Variants in ITPR1 observed in about 807,000 individuals in gnomAD.
ITPR1 encodes the protein inositol 1,4,5-trisphosphate-gated calcium channel ITPR1.
A neutral mutation model predicts 318.4 loss-of-function variants in ITPR1; 96 were observed. That is an observed-to-expected ratio of 0.30 (90% CI 0.26 to 0.36). The LOEUF (loss-of-function observed/expected upper bound fraction) is 0.36. Ranked by LOEUF, ITPR1 falls within the 10% of genes least tolerant of loss-of-function variation. The pLI, the probability that ITPR1 is intolerant of heterozygous loss-of-function variation, is 1.00. For missense variants in ITPR1, 2,440 were observed against 3,460.2 expected, an observed-to-expected ratio of 0.71 and a Z score of 7.40; for synonymous variants, 1,312 against 1,289.9, an observed-to-expected ratio of 1.02 and a Z score of -0.37.
intron 60 of ITPR1, among the ~76,000 whole-genome samples, chr3:4,834,660 G>A (rs554110462): frequency 6.6e-6 from 1 of 152,316 alleles, no homozygotes; most frequent in Admixed American, 6.5e-5. Flanking sequence ...TTGGTGGGAA[G>A]ATGTGGCTGT....
intron 37 of ITPR1, among the ~76,000 whole-genome samples, chr3:4,707,576 GGTTCACTCCA>G (rs2094786783): frequency 6.6e-6 from 1 of 152,128 alleles, no homozygotes; most frequent in Non-Finnish European, 1.5e-5. Context: ...CAGTCTCAAA[GGTTCACTCCA>G]GTTCAGGGGG....
chr3:4,590,148 C>T (rs2090266877), intron 4 of ITPR1, among the ~76,000 whole-genome samples: 2 of 151,548 alleles, frequency 1.3e-5, no homozygotes, highest in Non-Finnish European at 2.9e-5. Flanking sequence ...AGCTGCTTCC[C>T]CCCTTTGTGT....
intron 30 of ITPR1, among the ~76,000 whole-genome samples, chr3:4,686,844 GT>G (rs1239415986): frequency 1.3e-5 from 2 of 152,236 alleles, no homozygotes; most frequent in Admixed American, 6.5e-5. Flanking sequence ...GTGTGGAACT[GT>G]TTAAGGTTAC....
Position 4,552,576 on chromosome 3 carries a change from G to A in ITPR1, c.163+31482G>A, listed in dbSNP as rs2085675006. On this transcript the variant is annotated intron_variant, in intron 4 of 61. Coordinates refer to ENST00000649015, the MANE Select transcript of ITPR1 (RefSeq NM_001378452.1). ...GTTGGGGCCCACTATCCTCCCAGTGGGTGGATGAGTTCTTGTTCACCATCT... is the reference window on the plus strand; with the variant it reads ...GTTGGGGCCCACTATCCTCCCAGTGAGTGGATGAGTTCTTGTTCACCATCT... Among the ~76,000 whole-genome samples the A allele has an allele frequency of 4.6e-5, 7 of 152,258 alleles. No homozygotes were observed. In the South Asian group the frequency reaches 1.5e-3, roughly 32 times the overall value.
intron 45 of ITPR1, among the ~76,000 whole-genome samples, chr3:4,767,759 C>T (rs929916098): frequency 6.6e-6 from 1 of 152,184 alleles, no homozygotes; most frequent in Non-Finnish European, 1.5e-5. Flanking sequence ...AACTTCTGGC[C>T]TCAAGTGATC....
intron 34 of ITPR1, among the ~76,000 whole-genome samples, chr3:4,698,627 A>T (rs1238926146): frequency 2.6e-5 from 4 of 152,206 alleles, no homozygotes; most frequent in Non-Finnish European, 2.9e-5. Context: ...AACTTTATTT[A>T]TAAAGATAAT....
In ITPR1 at chr3:4,657,473, T is replaced by C. The variant is rs868048068; in HGVS notation, c.997-651T>C. 2.1e-4 allele frequency among the ~76,000 whole-genome samples: 31 copies of C among 150,724 alleles called. 1 individual carries two copies. Among genetic ancestry groups the C allele is most frequent in the Non-Finnish European group, 3.0e-5 (2 of 67,734 alleles). On this transcript the variant is annotated intron_variant, in intron 12 of 61. Transcript: ENST00000649015. Reference sequence around the variant, plus strand: ...GTAACTGCACGTTTTTGAAAGATTTTTTTTTTTTTTTTGAGACAGAGTCTC... The same window carrying C: ...GTAACTGCACGTTTTTGAAAGATTTCTTTTTTTTTTTTGAGACAGAGTCTC...
At chr3:4,494,125 C>A (rs1461256304) in intron 1 of ITPR1, among the ~76,000 whole-genome samples, 1 of 152,214 alleles carries the variant, frequency 6.6e-6, no homozygotes, top group Non-Finnish European at 1.5e-5. Context: ...GGATACTTGG[C>A]CTTCTCGCCG....
chr3:4,711,749 C>G lies in ITPR1; in HGVS notation c.4992-8C>G. ...AAGGAAGTAATCCGTGGTTTTCCCC[C>G]CATTCAGGTTAATAAAGCATACAAA... On this transcript the variant is annotated splice_region_variant and splice_polypyrimidine_tract_variant and intron_variant, in intron 38 of 61. Transcript: ENST00000649015. 1 of 1,465,490 alleles carries G rather than the reference C, an allele frequency of 6.8e-7. No homozygotes were observed. The highest frequency in any genetic ancestry group is 9.4e-7 in the Non-Finnish European group (1 of 1,068,528). The allele number at this position is 1,465,490 out of a possible 1,614,324, so 90.8% of individuals were successfully genotyped here. A position where few individuals can be genotyped will look rare whatever the true frequency, so the allele number is the denominator to read the frequency against.
chr3:4,627,649 C>G (rs1030414860), intron 4 of ITPR1, 114 bp from the exon 5 acceptor site: 1 of 664,756 alleles, frequency 1.5e-6, no homozygotes, highest in Non-Finnish European at 2.7e-6. Context: ...CATTTTATAT[C>G]TATGTATGAT....
intron 21 of ITPR1, among the ~76,000 whole-genome samples, 154 bp downstream of exon 21, chr3:4,673,541 C>T (rs1345726251): frequency 6.6e-6 from 1 of 152,024 alleles, no homozygotes; most frequent in Non-Finnish European, 1.5e-5. Context: ...TTTTTTTCCT[C>T]AAGAATGTGA....
intron 60 of ITPR1, among the ~76,000 whole-genome samples, chr3:4,818,499 C>T (rs976771350): frequency 2.6e-5 from 4 of 152,164 alleles, no homozygotes; most frequent in Admixed American, 6.5e-5. Flanking sequence ...CACGTGACCA[C>T]GGAACTGGGG....
chr3:4,737,322 A>G (rs1446044142), intron 44 of ITPR1, among the ~76,000 whole-genome samples: 1 of 152,186 alleles, frequency 6.6e-6, no homozygotes, highest in African/African-American at 2.4e-5. Flanking sequence ...CCGGGGAACC[A>G]CCAAGGAAGA....
At chr3:4,540,266 G>T (rs2639809) in intron 4 of ITPR1, among the ~76,000 whole-genome samples, 152,284 of 152,284 alleles carry the variant, frequency 1, 76,142 homozygotes, top group Non-Finnish European at 1. Context: ...AATGGTGTTT[G>T]ACGTCTTATA....
chr3:4,596,184 G>C (rs1220471152), intron 4 of ITPR1: 1 of 152,090 alleles, frequency 6.6e-6, no homozygotes, highest in Non-Finnish European at 1.5e-5. Flanking sequence ...CTATACTTCA[G>C]GTAAGTTTCT....
At chr3:4,747,809 C>G (rs927405366) in intron 44 of ITPR1, among the ~76,000 whole-genome samples, 6 of 152,206 alleles carry the variant, frequency 3.9e-5, no homozygotes, top group Non-Finnish European at 7.3e-5. Context: ...TTGACAGCAG[C>G]TCATCTAATT....
intron 60 of ITPR1, among the ~76,000 whole-genome samples, chr3:4,830,408 GAAAAATTAGCTCT>G: frequency 6.6e-6 from 1 of 151,970 alleles, no homozygotes; most frequent in Middle Eastern, 3.2e-3. Context: ...TGTGATCTTA[GAAAAATTAGCTCT>G]AAAGACTAAT....
At chr3:4,733,312 A>G in intron 43 of ITPR1, 92 bp downstream of exon 43, 1 of 1,443,786 alleles carries the variant, frequency 6.9e-7, no homozygotes, top group Non-Finnish European at 9.5e-7. Context: ...AATGCTCACA[A>G]CAGATGAATT....
chr3:4,562,452 A>G (rs1177533568), intron 4 of ITPR1, among the ~76,000 whole-genome samples: 1 of 152,172 alleles, frequency 6.6e-6, no homozygotes, highest in Non-Finnish European at 1.5e-5. Flanking sequence ...TAGTATGTGC[A>G]AAAAGATAGT....
Sources: gnomAD v4.1 joint callset for allele counts (sites outside exome capture counted in the v4.1 genomes callset) on GRCh38, gnomAD v4.1.1 for gene constraint, MANE v1.5 for transcripts, NCBI Gene and HGNC (gene_info 2026-07-23, HGNC 2026-07-21) for gene names.